Variants in MSI2 observed in about 807,000 individuals in gnomAD.
The protein encoded by MSI2 is musashi RNA binding protein 2, also known as RNA-binding protein Musashi homolog 2.
Under a neutral mutation model 45.6 loss-of-function variants are expected in MSI2, and 17 were observed. The observed-to-expected ratio is 0.37, with a 90% CI of 0.26 to 0.56. MSI2 has a LOEUF of 0.56. Ranked by LOEUF, MSI2 falls within the 20% of genes least tolerant of loss-of-function variation. The pLI is 0.77. For missense variants in MSI2, 293 were observed against 444.2 expected, an observed-to-expected ratio of 0.66 and a Z score of 3.06; for synonymous variants, 156 against 158.2, an observed-to-expected ratio of 0.99 and a Z score of 0.11.
At chr17:57,313,604 G>A (rs923735732) in intron 5 of MSI2, among the ~76,000 whole-genome samples, 13 of 152,240 alleles carry the variant, frequency 8.5e-5, no homozygotes, top group African/African-American at 3.1e-4. Context: ...ATTCTTGGCT[G>A]CCTAGTGGGA....
At chr17:57,651,721 G>A (rs967234410) in intron 10 of MSI2, among the ~76,000 whole-genome samples, 2 of 152,216 alleles carry the variant, frequency 1.3e-5, no homozygotes, top group Non-Finnish European at 2.9e-5. Context: ...AGGAGCAGTG[G>A]GCCAGCCCAG....
At chr17:57,261,042 C>T (rs1206785650) in intron 4 of MSI2, among the ~76,000 whole-genome samples, 1 of 152,254 alleles carries the variant, frequency 6.6e-6, no homozygotes, top group Admixed American at 6.5e-5. Flanking sequence ...TTTATACTAT[C>T]TGTGTTACAT....
At chr17:57,427,026 C>T (rs1296912380) in intron 6 of MSI2, among the ~76,000 whole-genome samples, 2 of 152,330 alleles carry the variant, frequency 1.3e-5, no homozygotes, top group Non-Finnish European at 2.9e-5. Context: ...GGTGCCCCCA[C>T]GGAAGGTACT....
chr17:57,339,069 C>A (rs747996092), intron 5 of MSI2, among the ~76,000 whole-genome samples: 1 of 152,076 alleles, frequency 6.6e-6, no homozygotes, highest in Non-Finnish European at 1.5e-5. Context: ...AAATCACGGA[C>A]GTTAAAATAA....
chr17:57,539,099 T>C (rs2086985035), intron 7 of MSI2, among the ~76,000 whole-genome samples: 3 of 152,128 alleles, frequency 2.0e-5, no homozygotes, highest in South Asian at 4.1e-4. Context: ...AAGTGTTTGC[T>C]CCTTTTTTAT....
At chr17:57,333,642 A>G (rs1914456405) in intron 5 of MSI2, among the ~76,000 whole-genome samples, 1 of 151,948 alleles carries the variant, frequency 6.6e-6, no homozygotes, top group Non-Finnish European at 1.5e-5. Flanking sequence ...GGGTTTTGCC[A>G]TGTTGGCCAG....
At chr17:57,476,466 C>G (rs935818167) in intron 6 of MSI2, among the ~76,000 whole-genome samples, 7 of 152,224 alleles carry the variant, frequency 4.6e-5, no homozygotes, top group African/African-American at 1.7e-4. Flanking sequence ...TTCTTGCTAC[C>G]TGTATTAGTT....
rs995333106 is a variant in MSI2 at position 57,627,683 on chromosome 17, T to G, written c.727+380T>G. Reference sequence around the variant, plus strand: ...ACCCCTTGCCCGCCTCCCCGCTCCCTGTGTCCACCTGCCCAATGTTTGATG... The same window carrying G: ...ACCCCTTGCCCGCCTCCCCGCTCCCGGTGTCCACCTGCCCAATGTTTGATG... On this transcript the variant is annotated intron_variant, in intron 10 of 13. Coordinates refer to ENST00000284073, the MANE Select transcript of MSI2 (RefSeq NM_138962.4). The surrounding 1 kb of genome is among the most constrained non-coding windows in gnomAD (Gnocchi z 4.6). 5.2e-5 allele frequency: 14 copies of G among 268,816 alleles called. No individual in the cohort carries two copies. Among genetic ancestry groups the G allele is most frequent in the Non-Finnish European group, 6.4e-5 (9 of 140,580 alleles). 16.7% of individuals were successfully genotyped at this position (268,816 alleles called of 1,614,324 possible).
intron 6 of MSI2, among the ~76,000 whole-genome samples, chr17:57,476,464 A>C (rs760183831): frequency 3.1e-4 from 47 of 152,198 alleles, no homozygotes; most frequent in Non-Finnish European, 5.7e-4. Flanking sequence ...CCTTCTTGCT[A>C]CCTGTATTAG....
rs1916862763 is a variant in MSI2, at chr17:57,362,262, T to C, written c.313-39117T>C. Among the ~76,000 whole-genome samples the C allele has an allele frequency of 2.0e-5, 3 of 152,216 alleles. No individual in the cohort carries two copies. In the South Asian group the frequency reaches 6.2e-4, roughly 32 times the overall value. Reference sequence around the variant, plus strand: ...TGGGCTCAGACATTTAAATTAAACGTATATTTCTATTTGCACTTCCATTTT... The same window carrying C: ...TGGGCTCAGACATTTAAATTAAACGCATATTTCTATTTGCACTTCCATTTT... On this transcript the variant is annotated intron_variant, in intron 5 of 13. Coordinates refer to ENST00000284073, the MANE Select transcript of MSI2 (RefSeq NM_138962.4).
chr17:57,444,544 GCACTC>G (rs2084860113), intron 6 of MSI2: 1 of 151,502 alleles, frequency 6.6e-6, no homozygotes, highest in African/African-American at 2.4e-5. Flanking sequence ...TCGTGCCACT[GCACTC>G]CAGACTGGGT....
intron 6 of MSI2, among the ~76,000 whole-genome samples, chr17:57,461,192 C>T (rs2085220087): frequency 1.3e-5 from 2 of 152,146 alleles, no homozygotes. Flanking sequence ...GTGGACTGCA[C>T]AGATCACATG....
intron 5 of MSI2, among the ~76,000 whole-genome samples, chr17:57,342,992 C>T (rs1350864244): frequency 6.6e-6 from 1 of 152,038 alleles, no homozygotes; most frequent in Non-Finnish European, 1.5e-5. Context: ...ACATTTATTC[C>T]TTTTCTGAGG....
chr17:57,567,943 T>G (rs535773812), intron 7 of MSI2, among the ~76,000 whole-genome samples: 1 of 152,254 alleles, frequency 6.6e-6, no homozygotes, highest in African/African-American at 2.4e-5. Context: ...TTTGCAAGAG[T>G]AGTATTACTG....
intron 5 of MSI2, among the ~76,000 whole-genome samples, chr17:57,355,229 T>G (rs1030603890): frequency 1.9e-4 from 29 of 152,204 alleles, no homozygotes; most frequent in African/African-American, 5.5e-4. Context: ...TTCCATGAGT[T>G]GGTGAAGTGG....
rs112622517 is a variant in MSI2 at position 57,314,634 on chromosome 17, C to T, written c.312+52442C>T. ...GTTGCCAGGCTGGAGTGCAGTGGCG[C>T]GATCTCGGCTCACTGCAACCTCCCA... On this transcript the variant is annotated intron_variant, in intron 5 of 13. Transcript: ENST00000284073. 2.1e-4 allele frequency among the ~76,000 whole-genome samples: 29 copies of T among 136,132 alleles called. No individual in the cohort carries two copies. The South Asian group carries it at 2.6e-3, about 12-fold the overall frequency. The allele number at this position is 136,132 out of a possible 152,430, so 89.3% of individuals were successfully genotyped here.
intron 8 of MSI2, among the ~76,000 whole-genome samples, chr17:57,614,616 T>C (rs186959531): frequency 1.3e-5 from 2 of 152,352 alleles, no homozygotes; most frequent in African/African-American, 4.8e-5. Flanking sequence ...ATGCTGTTTC[T>C]TTTGGCTGTT....
intron 5 of MSI2, among the ~76,000 whole-genome samples, chr17:57,364,403 G>C (rs534206578): frequency 3.3e-5 from 5 of 152,204 alleles, no homozygotes; most frequent in African/African-American, 1.2e-4. Context: ...TCTGTGGAAG[G>C]CATCAGTGCT....
chr17:57,415,608 A>G (rs998625604), intron 6 of MSI2, among the ~76,000 whole-genome samples: 3 of 152,118 alleles, frequency 2.0e-5, no homozygotes, highest in African/African-American at 7.2e-5. Flanking sequence ...GCACATGGGT[A>G]TTTAATGATA....
Sources: gnomAD v4.1 joint callset for allele counts (sites outside exome capture counted in the v4.1 genomes callset) on GRCh38, gnomAD v4.1.1 for gene constraint, Gnocchi (gnomAD v3.1) non-coding constraint, MANE v1.5 for transcripts, NCBI Gene and HGNC (gene_info 2026-07-23, HGNC 2026-07-21) for gene names.